Variants in HECW2 observed in about 807,000 individuals in gnomAD.
HECW2 encodes E3 ubiquitin-protein ligase HECW2.
HECW2 carries 61 observed loss-of-function variants against 175.2 expected under a neutral mutation model. The ratio of observed to expected loss-of-function variants is 0.35; its 90% CI spans 0.28 to 0.43. The LOEUF is 0.43. Among genes scored for constraint, HECW2 ranks in the 20% least tolerant of loss-of-function variants. HECW2 has a pLI of 1.00. For synonymous variants in HECW2, 671 were observed against 731.0 expected (o/e 0.92, Z 1.32); for missense variants, 1,524 against 2,000.5 (o/e 0.76, Z 4.54).
intron 28 of HECW2, among the ~76,000 whole-genome samples, chr2:196,202,916 A>G (rs1686917708): frequency 1.3e-5 from 2 of 152,208 alleles, no homozygotes; most frequent in African/African-American, 2.4e-5. Flanking sequence ...CATGAAATTC[A>G]TTTACGTTTC....
chr2:196,324,041 G>A (rs1692058448), intron 6 of HECW2, among the ~76,000 whole-genome samples: 1 of 149,584 alleles, frequency 6.7e-6, no homozygotes, highest in South Asian at 2.1e-4. Context: ...GCCTTGCTGT[G>A]TTGGCAAGTC....
chr2:196,275,715 G>A (rs1020424932), intron 15 of HECW2, among the ~76,000 whole-genome samples: 1 of 151,058 alleles, frequency 6.6e-6, no homozygotes, highest in South Asian at 2.1e-4. Context: ...TCGCACCACT[G>A]CACTCCTGCC....
At chr2:196,219,424 C>T (rs765636022) in intron 26 of HECW2, among the ~76,000 whole-genome samples, 2 of 152,226 alleles carry the variant, frequency 1.3e-5, no homozygotes, top group Non-Finnish European at 2.9e-5. Context: ...ATAATTTGTA[C>T]TGATCTGCAG....
intron 16 of HECW2, among the ~76,000 whole-genome samples, 174 bp downstream of exon 16, chr2:196,273,847 C>T (rs969410960): frequency 5.3e-5 from 8 of 152,046 alleles, no homozygotes; most frequent in Non-Finnish European, 7.4e-5. Context: ...AGACAGAAGC[C>T]CTTTGAGACT....
At chr2:196,465,725 G>A (rs768151597) in intron 1 of HECW2, among the ~76,000 whole-genome samples, 30 of 149,786 alleles carry the variant, frequency 2.0e-4, no homozygotes, top group South Asian at 6.3e-4. Context: ...TTCTGGACAC[G>A]TATTTGCATG....
intron 2 of HECW2, among the ~76,000 whole-genome samples, chr2:196,394,353 A>C (rs1694601967): frequency 6.6e-6 from 1 of 152,246 alleles, no homozygotes; most frequent in Admixed American, 6.5e-5. Flanking sequence ...CAGGTGGTAA[A>C]TGTAAAGATA....
chr2:196,362,070 G>A (rs1693604743), intron 2 of HECW2: 1 of 985,294 alleles, frequency 1.0e-6, no homozygotes, highest in Non-Finnish European at 1.2e-6. Context: ...TGAAATACTA[G>A]ACAGGATTCC....
intron 28 of HECW2, among the ~76,000 whole-genome samples, chr2:196,209,763 TTC>T (rs1269326103): frequency 6.7e-5 from 9 of 134,132 alleles, no homozygotes; most frequent in South Asian, 2.4e-4. Flanking sequence ...CTTTCTTTCT[TTC>T]TTTTTTTTTT....
At chr2:196,471,069 G>C (rs1471703027) in intron 1 of HECW2, among the ~76,000 whole-genome samples, 1 of 151,382 alleles carries the variant, frequency 6.6e-6, no homozygotes, top group Non-Finnish European at 1.5e-5. Context: ...GAGCAAGGGA[G>C]ATTCATATGG....
At chr2:196,229,644 A>G (rs1329681706) in intron 21 of HECW2, among the ~76,000 whole-genome samples, 1 of 152,164 alleles carries the variant, frequency 6.6e-6, no homozygotes, top group Non-Finnish European at 1.5e-5. Flanking sequence ...ACGCCACTGC[A>G]CTCCAGCCCA....
chr2:196,331,647 C>A (rs187771169), intron 4 of HECW2, among the ~76,000 whole-genome samples: 1 of 152,288 alleles, frequency 6.6e-6, no homozygotes, highest in African/African-American at 2.4e-5. Flanking sequence ...TCCTCTAATT[C>A]TCATTTTTCA....
At chr2:196,296,959 T>A (rs1194922143) in intron 13 of HECW2, among the ~76,000 whole-genome samples, 1 of 152,224 alleles carries the variant, frequency 6.6e-6, no homozygotes, top group Non-Finnish European at 1.5e-5. Context: ...TTTTCTATGT[T>A]TGTTTGTTTG....
At chr2:196,539,088 G>A (rs1259758748) in intron 1 of HECW2, among the ~76,000 whole-genome samples, 1 of 152,176 alleles carries the variant, frequency 6.6e-6, no homozygotes, top group African/African-American at 2.4e-5. Flanking sequence ...CAGAAGTCCA[G>A]AAGTGCCCTG....
chr2:196,397,190 A>G (rs1341316881), intron 2 of HECW2, among the ~76,000 whole-genome samples: 2 of 152,356 alleles, frequency 1.3e-5, no homozygotes, highest in African/African-American at 4.8e-5. Flanking sequence ...CTACATATGG[A>G]AGAATCAGAG....
chr2:196,239,186 CA>C (rs1688360293), intron 21 of HECW2: 1 of 152,202 alleles, frequency 6.6e-6, no homozygotes, highest in Admixed American at 6.5e-5. Flanking sequence ...AACTTCTGTA[CA>C]AATTTTGTCA....
intron 2 of HECW2, 21 bp downstream of exon 2, chr2:196,433,111 A>G: frequency 6.3e-7 from 1 of 1,582,046 alleles, no homozygotes; most frequent in Non-Finnish European, 8.6e-7. Context: ...GTCACATGCA[A>G]GTCCATTCCA....
At chr2:196,546,733 C>G (rs1378416447) in intron 1 of HECW2, among the ~76,000 whole-genome samples, 2 of 150,532 alleles carry the variant, frequency 1.3e-5, no homozygotes, top group Non-Finnish European at 2.9e-5. Context: ...CTGTACTGAA[C>G]AGTGATTAGG....
intron 1 of HECW2, among the ~76,000 whole-genome samples, chr2:196,552,911 A>G (rs1175848669): frequency 6.6e-6 from 1 of 152,208 alleles, no homozygotes; most frequent in South Asian, 2.1e-4. Context: ...AGTCCCTCTC[A>G]GTATAACCCT....
intron 2 of HECW2, among the ~76,000 whole-genome samples, chr2:196,350,893 T>C (rs1693147688): frequency 6.6e-6 from 1 of 152,252 alleles, no homozygotes; most frequent in Admixed American, 6.5e-5. Context: ...AGGTTTAAAG[T>C]GTCTTTGGAA....
Sources: allele counts gnomAD v4.1 joint callset (sites outside exome capture counted in the v4.1 genomes callset), GRCh38; gene constraint gnomAD v4.1.1; transcripts MANE v1.5; gene names NCBI Gene and HGNC (gene_info 2026-07-23, HGNC 2026-07-21).